Variants in YY1 observed in about 807,000 individuals in gnomAD.
The protein encoded by YY1 is transcriptional repressor protein YY1.
Under a neutral mutation model 35.6 loss-of-function variants are expected in YY1, and 2 were observed. The observed-to-expected ratio is 0.06, with a 90% confidence interval of 0.02 to 0.18. The LOEUF (loss-of-function observed/expected upper bound fraction) is 0.18, where lower values mean the gene tolerates loss of function less well. Ranked by LOEUF, YY1 falls within the 10% of genes least tolerant of loss-of-function variation. The pLI is 1.00. For synonymous variants in YY1, 268 were observed against 238.9 expected, an observed-to-expected ratio of 1.12 and a Z score of -1.12; for missense variants, 322 against 573.4, an observed-to-expected ratio of 0.56 and a Z score of 4.48.
intron 1 of YY1, among the ~76,000 whole-genome samples, chr14:100,261,691 C>T (rs1185295984): frequency 1.3e-5 from 2 of 152,028 alleles, no homozygotes; most frequent in Admixed American, 1.3e-4. Flanking sequence ...GGTAGATGGG[C>T]CATGATACAA....
intron 1 of YY1, among the ~76,000 whole-genome samples, chr14:100,259,911 C>T (rs772345681): frequency 5.3e-5 from 8 of 152,138 alleles, no homozygotes; most frequent in Admixed American, 2.0e-4. Flanking sequence ...AGGGATTATA[C>T]CATGGGTGAG....
chr14:100,246,103 G>A (rs1890829050), intron 1 of YY1, among the ~76,000 whole-genome samples: 1 of 152,180 alleles, frequency 6.6e-6, no homozygotes, highest in African/African-American at 2.4e-5. Context: ...TTAATTCGGA[G>A]CAGAAGTTGC....
chr14:100,243,629 C>CA (rs767867066), intron 1 of YY1, among the ~76,000 whole-genome samples: 8 of 151,200 alleles, frequency 5.3e-5, no homozygotes, highest in East Asian at 1.9e-4. Flanking sequence ...CCCGTCTCTG[C>CA]AAAAAAACAA....
At chr14:100,266,964 C>G (rs1370837710) in intron 2 of YY1, among the ~76,000 whole-genome samples, 2 of 152,004 alleles carry the variant, frequency 1.3e-5, no homozygotes, top group Non-Finnish European at 2.9e-5. Context: ...TCCTAGTGCA[C>G]GACAACCAAG....
intron 1 of YY1, among the ~76,000 whole-genome samples, chr14:100,249,137 G>T: frequency 7.4e-5 from 3 of 40,466 alleles, no homozygotes; most frequent in Non-Finnish European, 1.6e-4. Context: ...TTTTTTTTTG[G>T]GAGACAGAGT....
At chr14:100,240,116 C>CG (rs1044409625) in intron 1 of YY1, among the ~76,000 whole-genome samples, 193 bp downstream of exon 1, 8 of 143,616 alleles carry the variant, frequency 5.6e-5, no homozygotes, top group South Asian at 2.3e-4. Context: ...CGGCAGGCCG[C>CG]GGGGGGGAGG....
intron 1 of YY1, among the ~76,000 whole-genome samples, chr14:100,258,859 G>A (rs995270671): frequency 6.6e-6 from 1 of 152,268 alleles, no homozygotes; most frequent in South Asian, 2.1e-4. Flanking sequence ...ATTGCTGAGA[G>A]TGATTGAACT....
rs1891282466 is a variant in YY1, at chr14:100,273,887, A to G, written c.843-811A>G. Among the ~76,000 whole-genome samples the G allele has an allele frequency of 2.0e-5, 3 of 152,148 alleles. No individual in the cohort carries two copies. The South Asian group carries it at 6.2e-4, about 32-fold the overall frequency. ...GATTCAGTGGAGAAGCAGGTAGGTA[A>G]GTTACCAAACCAGGAGGCTCTCTGG... is the stretch of plus-strand genomic sequence containing the variant. On this transcript the variant is annotated intron_variant, in intron 2 of 4. Coordinates refer to ENST00000262238, the MANE Select transcript of YY1 (RefSeq NM_003403.5).
intron 2 of YY1, 119 bp from the exon 3 acceptor site, chr14:100,274,579 T>C: frequency 3.7e-6 from 3 of 803,492 alleles, no homozygotes; most frequent in Non-Finnish European, 4.2e-6. Flanking sequence ...TTCATGGAAA[T>C]GTATCATAAT....
chr14:100,281,060 CCAAAAAAAAAAAAAAAAA>C lies in YY1; in HGVS notation c.*3461_*3478del, dbSNP rs1404451721. 9 of 47,776 alleles carry C rather than the reference CCAAAAAAAAAAAAAAAAA, an allele frequency of 1.9e-4. No homozygotes were observed. The highest frequency in any genetic ancestry group is 6.1e-4 in the African/African-American group (6 of 9,898). The allele number at this position is 47,776 out of a possible 1,614,324, so 3.0% of individuals were successfully genotyped here. ...GGGTGACAGAGCAAGACTCCGTCTC[CCAAAAAAAAAAAAAAAAA>C]AAAAAAAAAGGAAACCTGACAATTC... On this transcript the variant is annotated 3_prime_UTR_variant, in exon 5 of 5. Coordinates refer to ENST00000262238, the MANE Select transcript of YY1 (RefSeq NM_003403.5).
At position 100,260,771 on chromosome 14, in the gene YY1, C is replaced by CTTTTTTTTTTTTT. The variant is rs71113254; in HGVS notation, c.680-1506_680-1494dup. Among the ~76,000 whole-genome samples, 8 of 42,568 alleles carry CTTTTTTTTTTTTT rather than the reference C, an allele frequency of 1.9e-4. 1 individual carries two copies. Among genetic ancestry groups the CTTTTTTTTTTTTT allele is most frequent in the African/African-American group, 2.8e-4 (3 of 10,868 alleles). 27.9% of individuals were successfully genotyped at this position (42,568 alleles called of 152,430 possible). On this transcript the variant is annotated intron_variant, in intron 1 of 4. Transcript: ENST00000262238. Reference sequence around the variant, plus strand: ...CAGGTGTGAGCCACCGTGCCTGGTCCTTTTTTTTTTTTTTTTTTTTTTTTT... The same window carrying CTTTTTTTTTTTTT: ...CAGGTGTGAGCCACCGTGCCTGGTCCTTTTTTTTTTTTTTTTTTTTTTTTTTTTTTTTTTTTTT...
rs751015192 is a variant in YY1 at position 100,239,649 on chromosome 14, G to C, written c.405G>C (p.Val135=). The change falls in exon 1 of 5, where the codon GTG becomes GTC. Residue 135 remains valine, a synonymous_variant. Coordinates refer to ENST00000262238, the MANE Select transcript of YY1 (RefSeq NM_003403.5). ...DGFEDQILIP[V]PAPAGGDDDY... ...TCGAGGATCAGATTCTCATCCCGGTGCCCGCGCCGGCCGGCGGCGACGACG... is the reference window on the plus strand; with the variant it reads ...TCGAGGATCAGATTCTCATCCCGGTCCCCGCGCCGGCCGGCGGCGACGACG... The C allele has an allele frequency of 1.1e-5, 17 of 1,610,354 alleles. No homozygotes were observed. Among genetic ancestry groups the C allele is most frequent in the Non-Finnish European group, 1.4e-5 (17 of 1,179,556 alleles).
intron 2 of YY1, among the ~76,000 whole-genome samples, chr14:100,270,079 G>A (rs1891211350): frequency 6.6e-6 from 1 of 151,380 alleles, no homozygotes; most frequent in African/African-American, 2.4e-5. Context: ...TGGCTAGCAC[G>A]GTAAAACCCC....
intron 2 of YY1, among the ~76,000 whole-genome samples, chr14:100,272,955 TTTTTTTTTTG>T (rs1891264953): frequency 1.1e-4 from 2 of 17,812 alleles, no homozygotes; most frequent in Non-Finnish European, 1.8e-4. Context: ...TTTTTTGTTG[TTTTTTTTTTG>T]TTTTTTTTTT....
intron 1 of YY1, among the ~76,000 whole-genome samples, chr14:100,240,355 C>A (rs1305459891): frequency 6.7e-6 from 1 of 148,674 alleles, no homozygotes; most frequent in Middle Eastern, 3.2e-3. Flanking sequence ...CGCGGCCTCG[C>A]GGGCCAGGGA....
chr14:100,265,925 G>T (rs1196212060), intron 2 of YY1, among the ~76,000 whole-genome samples: 1 of 152,170 alleles, frequency 6.6e-6, no homozygotes, highest in East Asian at 1.9e-4. Flanking sequence ...GGGATTACAG[G>T]TGTGAGCCAC....
At chr14:100,249,782 G>GT (rs1329848977) in intron 1 of YY1, among the ~76,000 whole-genome samples, 46 of 127,390 alleles carry the variant, frequency 3.6e-4, no homozygotes, top group African/African-American at 7.3e-4. Flanking sequence ...TTTTGTTTTT[G>GT]TTTTTTTTTG....
intron 1 of YY1, among the ~76,000 whole-genome samples, chr14:100,242,329 TTAAG>T (rs1566767595): frequency 6.6e-6 from 1 of 151,868 alleles, no homozygotes; most frequent in Admixed American, 6.6e-5. Flanking sequence ...CAATTTACAA[TTAAG>T]TGAGCATTTA....
intron 1 of YY1, among the ~76,000 whole-genome samples, chr14:100,259,897 C>T (rs1370683224): frequency 6.6e-6 from 1 of 152,160 alleles, no homozygotes; most frequent in Non-Finnish European, 1.5e-5. Context: ...TACAGCAGCA[C>T]TGAAGGGATT....
Sources: gnomAD v4.1 joint callset for allele counts (sites outside exome capture counted in the v4.1 genomes callset) on GRCh38, gnomAD v4.1.1 for gene constraint, MANE v1.5 for transcripts, NCBI Gene and HGNC (gene_info 2026-07-23, HGNC 2026-07-21) for gene names.